Variants in CDH23 observed in about 807,000 individuals in gnomAD.
CDH23 encodes cadherin-23.
A neutral mutation model predicts 317.1 loss-of-function variants in CDH23; 189 were observed. That is an observed-to-expected ratio of 0.60 (90% CI 0.53 to 0.67). CDH23 has a LOEUF of 0.67. CDH23 is among the 30% of genes least tolerant of loss of function. CDH23 has a pLI of 0.00. For synonymous variants in CDH23, 1,839 were observed against 1,876.8 expected, an observed-to-expected ratio of 0.98 and a Z score of 0.52; for missense variants, 4,401 against 4,592.4, an observed-to-expected ratio of 0.96 and a Z score of 1.20.
At chr10:71,588,611 T>C (rs912664677) in intron 9 of CDH23, among the ~76,000 whole-genome samples, 2 of 152,152 alleles carry the variant, frequency 1.3e-5, no homozygotes, top group African/African-American at 2.4e-5. Context: ...TAATGGGGTC[T>C]CTAAAAATCC....
intron 14 of CDH23, among the ~76,000 whole-genome samples, chr10:71,667,348 A>AGAGAGAG (rs1863945654): frequency 8.2e-6 from 1 of 122,306 alleles, no homozygotes; most frequent in Non-Finnish European, 1.7e-5. Context: ...GAGGCAGAGA[A>AGAGAGAG]AGAGAGAGAG....
At chr10:71,773,074 TGGGCAGG>T (rs1484421992) in intron 38 of CDH23, among the ~76,000 whole-genome samples, 1 of 150,714 alleles carries the variant, frequency 6.6e-6, no homozygotes, top group Non-Finnish European at 1.5e-5. Flanking sequence ...CTGGGTTCTC[TGGGCAGG>T]GAAGGGCTGG....
rs372670331 is a variant in CDH23, at chr10:71,746,447, G to A, written c.4845+4526G>A. ...TATCACCCGAACTCGGAACAGCTGTGCTGCAAGGGGTATCTGGGCCAGACC... is the reference window on the plus strand; with the variant it reads ...TATCACCCGAACTCGGAACAGCTGTACTGCAAGGGGTATCTGGGCCAGACC... On this transcript the variant is annotated intron_variant, in intron 38 of 69. Coordinates refer to ENST00000224721, the MANE Select transcript of CDH23 (RefSeq NM_022124.6). Among the ~76,000 whole-genome samples the A allele has an allele frequency of 4.2e-4, 64 of 152,344 alleles. No individual in the cohort carries two copies. In the South Asian group the frequency reaches 0.012, roughly 30 times the overall value.
chr10:71,482,409 A>T (rs1852115745), intron 3 of CDH23, among the ~76,000 whole-genome samples: 1 of 152,200 alleles, frequency 6.6e-6, no homozygotes. Context: ...CCCAACAAAG[A>T]TACCTCTCTA....
intron 46 of CDH23, chr10:71,790,689 T>A: frequency 2.0e-6 from 1 of 508,376 alleles, no homozygotes. Flanking sequence ...TCCCGTCATC[T>A]CCCCATGCGC....
intron 1 of CDH23, among the ~76,000 whole-genome samples, chr10:71,436,821 G>C (rs556085400): frequency 7.9e-5 from 12 of 152,282 alleles, no homozygotes; most frequent in African/African-American, 2.9e-4. Flanking sequence ...CATCTGGTTT[G>C]GAATGGCAGA....
chr10:71,518,505 G>A (rs907865376), intron 6 of CDH23, among the ~76,000 whole-genome samples: 3 of 152,188 alleles, frequency 2.0e-5, no homozygotes, highest in Non-Finnish European at 4.4e-5. Context: ...CTGGCTGTCT[G>A]CAGTGAGGAC....
In CDH23 at chr10:71,630,734, G is replaced by A. The variant is rs79610788; in HGVS notation, c.1135-13127G>A. Among the ~76,000 whole-genome samples, 1,148 of 152,288 alleles carry A rather than the reference G, an allele frequency of 7.5e-3. 15 individuals are homozygous for A. Among genetic ancestry groups the A allele is most frequent in the African/African-American group, 0.026 (1,092 of 41,554 alleles). On this transcript the variant is annotated intron_variant, in intron 11 of 69. Transcript: ENST00000224721. ...TAGATACCTAGCGAGCAGCTCCAGG[G>A]CCTCGGTGAGGGGCTGCCTCATAGC...
chr10:71,777,779 A>T lies in CDH23; in HGVS notation c.4945A>T (p.Thr1649Ser), dbSNP rs1188041419. The change falls in exon 39 of 70, where the codon ACG (threonine) becomes TCG (serine). Residue 1649 changes from threonine (T) to serine (S), a missense_variant. Thr to Ser is a moderately conservative substitution (Grantham distance 58). Coordinates refer to ENST00000224721, the MANE Select transcript of CDH23 (RefSeq NM_022124.6). Reference protein sequence around the residue: ...YEVLLDEGPDTLNTSLITIQA... With the variant: ...YEVLLDEGPDSLNTSLITIQA... ...GGTGCTGCTGGATGAGGGCCCAGAC[A>T]CGCTCAACACCAGCCTCATCACCAT... 1 of 1,613,874 alleles carries T rather than the reference A, an allele frequency of 6.2e-7. No individual in the cohort carries two copies. Among genetic ancestry groups the T allele is most frequent in the East Asian group, 2.2e-5 (1 of 44,862 alleles).
Position 71,592,666 on chromosome 10 carries a change from T to C in CDH23, c.832+14674T>C, listed in dbSNP as rs374081078. On this transcript the variant is annotated intron_variant, in intron 9 of 69. Transcript: ENST00000224721. ...ATTTAGGGCCCACCCAGACAATCCA[T>C]GCTAATCTCCCATTGCAAGATCTTT... 9.3e-4 allele frequency among the ~76,000 whole-genome samples: 141 copies of C among 152,298 alleles called. 1 individual carries two copies. Among genetic ancestry groups the C allele is most frequent in the African/African-American group, 1.5e-3 (61 of 41,570 alleles).
At chr10:71,495,660 T>G (rs1289491512) in intron 3 of CDH23, among the ~76,000 whole-genome samples, 1 of 150,110 alleles carries the variant, frequency 6.7e-6, no homozygotes, top group Admixed American at 6.6e-5. Flanking sequence ...CAACAAGACC[T>G]CATCTCTATT....
intron 32 of CDH23, chr10:71,732,741 G>GT: frequency 8.8e-7 from 1 of 1,137,728 alleles, no homozygotes. Flanking sequence ...GTATCCTTCT[G>GT]TTTTTCCTTC....
chr10:71,711,195 T>A lies in CDH23; in HGVS notation c.3221-1470T>A, dbSNP rs183478114. On this transcript the variant is annotated intron_variant, in intron 27 of 69. Coordinates refer to ENST00000224721, the MANE Select transcript of CDH23 (RefSeq NM_022124.6). ...CTGAGTCCAGCCCTCACTTTGGGCA[T>A]TGCCTGGCAGGAGGAGAGGGCTTCT... Among the ~76,000 whole-genome samples the A allele has an allele frequency of 2.2e-4, 33 of 152,184 alleles. No individual in the cohort carries two copies. In the East Asian group the frequency reaches 6.0e-3, roughly 28 times the overall value.
At chr10:71,755,539 G>C in intron 38 of CDH23, 1 of 1,407,098 alleles carries the variant, frequency 7.1e-7, no homozygotes, top group Non-Finnish European at 9.8e-7. Flanking sequence ...CTGAGGCTCA[G>C]AGAGGGAAGG....
intron 9 of CDH23, among the ~76,000 whole-genome samples, chr10:71,584,553 T>TGTGTGTGTGTGTGC (rs1461050395): frequency 1.3e-5 from 2 of 151,638 alleles, no homozygotes; most frequent in Non-Finnish European, 3.0e-5. Flanking sequence ...TGTGTGTGTG[T>TGTGTGTGTGTGTGC]GTGTGTGTGT....
chr10:71,557,587 T>C (rs1348134863), intron 6 of CDH23, among the ~76,000 whole-genome samples: 1 of 152,248 alleles, frequency 6.6e-6, no homozygotes, highest in Admixed American at 6.5e-5. Context: ...CAGAAAAAAG[T>C]GTTCATGGGA....
At chr10:71,646,841 CGAGACT>C (rs2132598582) in intron 14 of CDH23, 1 of 1,470,410 alleles carries the variant, frequency 6.8e-7, no homozygotes, top group African/African-American at 1.4e-5. Flanking sequence ...TGAGGGGTGA[CGAGACT>C]GAGCTGAGGA....
chr10:71,469,377 G>A (rs895602320), intron 3 of CDH23, among the ~76,000 whole-genome samples: 22 of 152,050 alleles, frequency 1.4e-4, no homozygotes, highest in Non-Finnish European at 5.9e-5. Context: ...AGAACTTTAC[G>A]TACATGGAAT....
At chr10:71,729,841 T>A (rs1839301951) in intron 30 of CDH23, among the ~76,000 whole-genome samples, 1 of 145,132 alleles carries the variant, frequency 6.9e-6, no homozygotes, top group African/African-American at 2.6e-5. Context: ...TTATTATTAA[T>A]TTTTTTTTTT....
Sources: allele counts gnomAD v4.1 joint callset (sites outside exome capture counted in the v4.1 genomes callset), GRCh38; gene constraint gnomAD v4.1.1; transcripts MANE v1.5; gene names NCBI Gene and HGNC (gene_info 2026-07-23, HGNC 2026-07-21).